SETBP1: variants seen among roughly 807,000 people sequenced by gnomAD.
SETBP1 encodes SET binding protein 1, also known as SET-binding protein.
SETBP1 carries 9 observed loss-of-function variants against 101.0 expected under a neutral mutation model. The observed-to-expected ratio is 0.09, with a 90% CI of 0.05 to 0.16. The LOEUF is 0.16. Ranked by LOEUF, SETBP1 falls within the 10% of genes least tolerant of loss-of-function variation. SETBP1 has a pLI of 1.00. For missense variants in SETBP1, 1,858 were observed against 2,033.8 expected, an observed-to-expected ratio of 0.91 and a Z score of 1.66; for synonymous variants, 818 against 788.5, an observed-to-expected ratio of 1.04 and a Z score of -0.63.
intron 4 of SETBP1, among the ~76,000 whole-genome samples, chr18:45,028,516 G>T (rs1323424122): frequency 6.6e-6 from 1 of 152,088 alleles, no homozygotes; most frequent in Non-Finnish European, 1.5e-5. Context: ...AGTCCTTTGG[G>T]TATATACCCA....
chr18:44,966,829 G>A (rs960303861), intron 4 of SETBP1, among the ~76,000 whole-genome samples: 2 of 152,152 alleles, frequency 1.3e-5, no homozygotes, highest in Admixed American at 6.6e-5. Context: ...GCAACCTTGG[G>A]CAACTTAGGC....
chr18:44,744,491 G>A (rs1599063550), intron 2 of SETBP1, among the ~76,000 whole-genome samples: 1 of 152,264 alleles, frequency 6.6e-6, no homozygotes, highest in South Asian at 2.1e-4. Flanking sequence ...ATGTGTGTGC[G>A]CCCTACTGTA....
chr18:44,853,882 C>T (rs2144599193), intron 2 of SETBP1, among the ~76,000 whole-genome samples: 1 of 152,272 alleles, frequency 6.6e-6, no homozygotes, highest in South Asian at 2.1e-4. Context: ...CACAGCTCTT[C>T]AGTTAGCAAC....
intron 2 of SETBP1, among the ~76,000 whole-genome samples, chr18:44,822,278 C>A (rs965192994): frequency 2.6e-5 from 4 of 152,206 alleles, no homozygotes; most frequent in Admixed American, 1.3e-4. Flanking sequence ...ATCCCTAAGT[C>A]CTTCATCATC....
chr18:44,716,340 C>CA (rs199903373), intron 2 of SETBP1, among the ~76,000 whole-genome samples: 2,590 of 151,556 alleles, frequency 0.017, 64 homozygotes, highest in African/African-American at 0.055. Context: ...CAAAACAAAA[C>CA]AAAAAAAATA....
At chr18:44,714,791 A>C (rs2069426600) in intron 2 of SETBP1, among the ~76,000 whole-genome samples, 2 of 151,794 alleles carry the variant, frequency 1.3e-5, no homozygotes, top group African/African-American at 4.8e-5. Context: ...TTAGGGAAAA[A>C]CCCAGGGCAC....
chr18:44,890,953 G>A (rs1206547787), intron 3 of SETBP1, among the ~76,000 whole-genome samples: 8 of 152,090 alleles, frequency 5.3e-5, no homozygotes, highest in South Asian at 4.1e-4. Flanking sequence ...CAAGGAAGGG[G>A]TATTAGTCTG....
chr18:45,056,394 A>G (rs1003283426), intron 5 of SETBP1, among the ~76,000 whole-genome samples: 2 of 152,254 alleles, frequency 1.3e-5, no homozygotes, highest in African/African-American at 4.8e-5. Flanking sequence ...CCTCCCAGGA[A>G]TCTCATGCCC....
intron 4 of SETBP1, among the ~76,000 whole-genome samples, chr18:45,036,078 A>G (rs2073390374): frequency 6.6e-6 from 1 of 152,202 alleles, no homozygotes; most frequent in Admixed American, 6.5e-5. Context: ...TTATGCCTGT[A>G]ATCTCAACAC....
rs1263083665 is a variant in SETBP1 at position 44,953,228 on chromosome 18, T to A, written c.3888T>A (p.Ser1296Arg). The A allele has an allele frequency of 4.3e-6, 7 of 1,613,420 alleles. No homozygotes were observed. Among genetic ancestry groups the A allele is most frequent in the Non-Finnish European group, 5.9e-6 (7 of 1,179,924 alleles). Residue 1296 changes from serine (S) to arginine (R), a missense_variant, in exon 4 of 6, where the codon AGT becomes AGA. Physicochemically the swap from Ser to Arg is moderately radical, Grantham distance 110. Coordinates refer to ENST00000649279, the MANE Select transcript of SETBP1 (RefSeq NM_015559.3). ...PSNDKWDSDVSGSKRRSYEGF... is the reference protein window; with the variant it reads ...PSNDKWDSDVRGSKRRSYEGF... The stretch of plus-strand genomic sequence containing the variant: ...ATGACAAGTGGGACAGTGACGTGAG[T>A]GGGAGTAAAAGGAGGAGCTATGAAG...
At chr18:45,007,007 G>A (rs548391412) in intron 4 of SETBP1, among the ~76,000 whole-genome samples, 10 of 152,306 alleles carry the variant, frequency 6.6e-5, no homozygotes, top group South Asian at 2.1e-4. Flanking sequence ...GCTGGTTTGC[G>A]AGAGATTATC....
intron 2 of SETBP1, among the ~76,000 whole-genome samples, chr18:44,840,065 T>C (rs2072585468): frequency 6.6e-6 from 1 of 152,240 alleles, no homozygotes; most frequent in Non-Finnish European, 1.5e-5. Context: ...AAGAGGCCTG[T>C]GCATGGTCGA....
intron 2 of SETBP1, among the ~76,000 whole-genome samples, chr18:44,805,365 C>A (rs1280995545): frequency 6.6e-6 from 1 of 151,840 alleles, no homozygotes; most frequent in Non-Finnish European, 1.5e-5. Flanking sequence ...CTGCCAGACA[C>A]CCATGGGGAT....
chr18:44,973,271 C>T lies in SETBP1; in HGVS notation c.4000+19931C>T, dbSNP rs138224466. On this transcript the variant is annotated intron_variant, in intron 4 of 5. Coordinates refer to ENST00000649279, the MANE Select transcript of SETBP1 (RefSeq NM_015559.3). ...AAGCTTTTTGATGTGCTGCTGGATT[C>T]GGTTTGCCAATATTTTATTGAGGAT... is the stretch of plus-strand genomic sequence containing the variant. Among the ~76,000 whole-genome samples the T allele has an allele frequency of 4.7e-3, 710 of 152,214 alleles. 19 individuals are homozygous for T. Among genetic ancestry groups the T allele is most frequent in the Admixed American group, 0.035 (528 of 15,282 alleles).
intron 2 of SETBP1, among the ~76,000 whole-genome samples, chr18:44,764,664 G>A (rs1304729150): frequency 2.0e-5 from 3 of 151,998 alleles, no homozygotes; most frequent in East Asian, 1.9e-4. Context: ...TAGTAGAGAC[G>A]GGGTTTCACC....
intron 3 of SETBP1, among the ~76,000 whole-genome samples, chr18:44,924,089 GAC>G (rs2070643320): frequency 6.6e-6 from 1 of 152,144 alleles, no homozygotes; most frequent in African/African-American, 2.4e-5. Context: ...GCTGTAGACA[GAC>G]ACAAACAGGA....
intron 2 of SETBP1, among the ~76,000 whole-genome samples, chr18:44,712,575 G>A (rs1352154315): frequency 6.6e-6 from 1 of 152,080 alleles, no homozygotes; most frequent in Non-Finnish European, 1.5e-5. Context: ...TCCTTTGGGG[G>A]CAGCATTATG....
chr18:44,985,536 C>G (rs1361433193), intron 4 of SETBP1, among the ~76,000 whole-genome samples: 1 of 152,166 alleles, frequency 6.6e-6, no homozygotes, highest in African/African-American at 2.4e-5. Context: ...GGAGCACAGT[C>G]TTATTTATTT....
intron 2 of SETBP1, among the ~76,000 whole-genome samples, chr18:44,840,842 G>A (rs1455154881): frequency 6.6e-6 from 1 of 152,190 alleles, no homozygotes; most frequent in Non-Finnish European, 1.5e-5. Context: ...GCCTCCCCAT[G>A]CCCAGGGACT....
Sources: allele counts gnomAD v4.1 joint callset (sites outside exome capture counted in the v4.1 genomes callset), GRCh38; gene constraint gnomAD v4.1.1; transcripts MANE v1.5; gene names NCBI Gene and HGNC (gene_info 2026-07-23, HGNC 2026-07-21).